The following QKI variants were observed in gnomAD, a reference collection of about 807,000 sequenced individuals.
QKI encodes the protein QKI, KH domain containing RNA binding.
QKI carries 10 observed loss-of-function variants against 39.0 expected under a neutral mutation model. That is an observed-to-expected ratio of 0.26 (90% CI 0.16 to 0.43). The LOEUF (loss-of-function observed/expected upper bound fraction) is 0.43, where lower values mean the gene tolerates loss of function less well. Ranked by LOEUF, QKI falls within the 20% of genes least tolerant of loss-of-function variation. The pLI, the probability that QKI is intolerant of heterozygous loss-of-function variation, is 1.00. For missense variants in QKI, 218 were observed against 428.0 expected, an observed-to-expected ratio of 0.51 and a Z score of 4.33; for synonymous variants, 204 against 155.4, an observed-to-expected ratio of 1.31 and a Z score of -2.33.
At chr6:163,560,501 A>T (rs1307358002) in intron 4 of QKI, among the ~76,000 whole-genome samples, 2 of 152,130 alleles carry the variant, frequency 1.3e-5, no homozygotes, top group East Asian at 3.9e-4. Flanking sequence ...GGGGATGGGG[A>T]TAGGTAGGAT....
At chr6:163,567,020 T>C (rs1783404511) in intron 7 of QKI, 1 of 1,211,090 alleles carries the variant, frequency 8.3e-7, no homozygotes, top group Admixed American at 4.2e-5. Flanking sequence ...TATTATTATG[T>C]ACTATGATTT....
At chr6:163,417,378 C>T (rs1582943674) in intron 1 of QKI, among the ~76,000 whole-genome samples, 1 of 152,026 alleles carries the variant, frequency 6.6e-6, no homozygotes, top group South Asian at 2.1e-4. Flanking sequence ...AATTCAAAGA[C>T]TATAGGAGAT....
intron 4 of QKI, among the ~76,000 whole-genome samples, chr6:163,556,722 C>T (rs1046638712): frequency 2.6e-5 from 4 of 152,060 alleles, no homozygotes; most frequent in Non-Finnish European, 4.4e-5. Context: ...GGATTATGGG[C>T]GTATCCCCCA....
At chr6:163,424,927 G>A (rs904249326) in intron 1 of QKI, among the ~76,000 whole-genome samples, 8 of 152,076 alleles carry the variant, frequency 5.3e-5, no homozygotes, top group East Asian at 1.9e-4. Context: ...CACTGCCCCC[G>A]GCCTGCGTCA....
intron 2 of QKI, among the ~76,000 whole-genome samples, chr6:163,477,363 C>T (rs1792704651): frequency 1.3e-5 from 2 of 152,120 alleles, no homozygotes; most frequent in Non-Finnish European, 2.9e-5. Flanking sequence ...GCTTGGATAC[C>T]AGCTAGAATC....
chr6:163,494,319 C>T (rs1056394188), intron 3 of QKI, among the ~76,000 whole-genome samples: 6 of 152,186 alleles, frequency 3.9e-5, no homozygotes, highest in Non-Finnish European at 8.8e-5. Flanking sequence ...GTGACTTGAG[C>T]ACTGGTAGGG....
intron 4 of QKI, among the ~76,000 whole-genome samples, chr6:163,560,993 T>C (rs1452845129): frequency 6.6e-6 from 1 of 152,186 alleles, no homozygotes; most frequent in Non-Finnish European, 1.5e-5. Flanking sequence ...TTAGTGCCCA[T>C]TTTTGCTTTT....
chr6:163,560,895 A>G (rs1782952997), intron 4 of QKI, among the ~76,000 whole-genome samples: 2 of 152,222 alleles, frequency 1.3e-5, no homozygotes, highest in African/African-American at 4.8e-5. Context: ...GTAAATGGAA[A>G]GAGTGGGACC....
intron 3 of QKI, among the ~76,000 whole-genome samples, chr6:163,519,871 G>A (rs1780042898): frequency 2.0e-5 from 3 of 152,046 alleles, no homozygotes; most frequent in African/African-American, 7.2e-5. Context: ...TCACATTTTA[G>A]TGTTGTGATG....
chr6:163,493,259 T>C (rs948316117), intron 3 of QKI, among the ~76,000 whole-genome samples: 5 of 151,854 alleles, frequency 3.3e-5, no homozygotes, highest in Non-Finnish European at 5.9e-5. Flanking sequence ...GCCTCCTGAA[T>C]AGCTGGGATT....
chr6:163,469,089 T>G (rs60353098), intron 2 of QKI, among the ~76,000 whole-genome samples: 3,231 of 152,218 alleles, frequency 0.021, 114 homozygotes, highest in African/African-American at 0.073. Context: ...GTTAGTAAGA[T>G]TAGTAAGGTT....
chr6:163,498,188 T>TAAA (rs10650302), intron 3 of QKI, among the ~76,000 whole-genome samples: 2,822 of 125,536 alleles, frequency 0.022, 82 homozygotes, highest in African/African-American at 0.043. Flanking sequence ...GCAGCTGTGG[T>TAAA]AAAAAAAAAA....
chr6:163,515,097 C>T (rs1779711652), intron 3 of QKI, among the ~76,000 whole-genome samples: 2 of 152,096 alleles, frequency 1.3e-5, no homozygotes. Flanking sequence ...AGGCAATTCA[C>T]AGGGCAGAAA....
rs537029018 is a variant in QKI, at chr6:163,443,491, C to T, written c.143-11788C>T. Reference sequence around the variant, plus strand: ...ACTGAGGCAGATAATGGCTTGAATCCGGGAGGCAGAGGTTGCAGTGAGCCA... The same window carrying T: ...ACTGAGGCAGATAATGGCTTGAATCTGGGAGGCAGAGGTTGCAGTGAGCCA... On this transcript the variant is annotated intron_variant, in intron 1 of 7. Transcript: ENST00000361752. 1.3e-4 allele frequency among the ~76,000 whole-genome samples: 20 copies of T among 152,282 alleles called. No individual in the cohort carries two copies. In the East Asian group the frequency reaches 2.7e-3, roughly 21 times the overall value.
At chr6:163,521,105 A>G (rs1562509129) in intron 3 of QKI, among the ~76,000 whole-genome samples, 1 of 152,152 alleles carries the variant, frequency 6.6e-6, no homozygotes, top group Non-Finnish European at 1.5e-5. Flanking sequence ...AAAGAACTCC[A>G]TTTAATACAC....
intron 3 of QKI, among the ~76,000 whole-genome samples, chr6:163,512,964 C>G (rs1583136401): frequency 6.6e-6 from 1 of 152,192 alleles, no homozygotes; most frequent in East Asian, 1.9e-4. Context: ...CCTTCCTTAT[C>G]CACAGTTTTG....
chr6:163,569,143 A>G, intron 7 of QKI: 1 of 942,272 alleles, frequency 1.1e-6, no homozygotes, highest in Non-Finnish European at 1.3e-6. Flanking sequence ...ACATCATGTT[A>G]AATATTTATT....
intron 3 of QKI, among the ~76,000 whole-genome samples, chr6:163,482,097 A>C (rs1346539753): frequency 6.6e-6 from 1 of 151,956 alleles, no homozygotes; most frequent in East Asian, 1.9e-4. Flanking sequence ...AGGAGGGAGG[A>C]TGCTTGAGCC....
chr6:163,437,043 G>A (rs1789354746), intron 1 of QKI, among the ~76,000 whole-genome samples: 1 of 152,038 alleles, frequency 6.6e-6, no homozygotes, highest in Non-Finnish European at 1.5e-5. Flanking sequence ...TTCCCTTATC[G>A]GTGACATAGA....
Sources: gnomAD v4.1 joint callset for allele counts (sites outside exome capture counted in the v4.1 genomes callset) on GRCh38, gnomAD v4.1.1 for gene constraint, MANE v1.5 for transcripts, NCBI Gene and HGNC (gene_info 2026-07-23, HGNC 2026-07-21) for gene names.